Variants in TET2 observed in about 807,000 individuals in gnomAD.
TET2 encodes the protein tet methylcytosine dioxygenase 2, also known as methylcytosine dioxygenase TET2.
In TET2, 299 loss-of-function variants were observed where a neutral mutation model predicts 142.9. The observed-to-expected ratio is 2.09, with a 90% CI of 1.90 to 2.30. TET2 has a LOEUF of 2.30. Ranked by LOEUF, TET2 falls within the 30% of genes most tolerant of loss-of-function variation. TET2 has a pLI of 0.00. For synonymous variants in TET2, 819 were observed against 849.0 expected (o/e 0.96, Z 0.61); for missense variants, 2,418 against 2,378.0 (o/e 1.02, Z -0.35).
At chr4:105,265,220 T>C (rs181131017) in intron 8 of TET2, among the ~76,000 whole-genome samples, 387 of 152,322 alleles carry the variant, frequency 2.5e-3, no homozygotes, top group African/African-American at 8.8e-3. Context: ...TTCAGTGTAA[T>C]AGGCACTAGC....
intron 3 of TET2, 96 bp from the exon 4 acceptor site, chr4:105,241,242 GC>G: frequency 1.0e-5 from 14 of 1,387,608 alleles, no homozygotes; most frequent in Non-Finnish European, 1.3e-5. Flanking sequence ...CACTTTTAGA[GC>G]CCTTAATGTG....
At chr4:105,196,278 C>T (rs1022657133) in intron 2 of TET2, among the ~76,000 whole-genome samples, 1 of 151,782 alleles carries the variant, frequency 6.6e-6, no homozygotes, top group African/African-American at 2.4e-5. Context: ...ATACCCATTT[C>T]AGACTTTATT....
chr4:105,236,002 C>T lies in TET2; in HGVS notation c.2060C>T (p.Ala687Val), dbSNP rs756859365. The T allele has an allele frequency of 1.9e-6, 3 of 1,614,056 alleles. No individual in the cohort carries two copies. The highest frequency in any genetic ancestry group is 2.2e-5 in the East Asian group (1 of 44,886). Residue 687 changes from alanine (A) to valine (V), a missense_variant, in exon 3 of 11, where the codon GCA becomes GTA. Physicochemically the swap from Ala to Val is moderately conservative, Grantham distance 64. Transcript: ENST00000380013. Reference protein sequence around the residue: ...CGTRFHFQQRADSQTEKLMSP... With the variant: ...CGTRFHFQQRVDSQTEKLMSP... ...ACTAGATTTCATTTTCAACAAAGAG[C>T]AGATTCCCAAACTGAAAAACTTATG...
chr4:105,242,501 A>G, intron 4 of TET2: 1 of 1,109,952 alleles, frequency 9.0e-7, no homozygotes. Context: ...GGGAAAAAAT[A>G]GTTTATGTTT....
At chr4:105,160,019 T>A (rs545727359) in intron 1 of TET2, among the ~76,000 whole-genome samples, 1 of 152,110 alleles carries the variant, frequency 6.6e-6, no homozygotes, top group East Asian at 1.9e-4. Flanking sequence ...AAAAAAAATC[T>A]TGATATTTGT....
intron 1 of TET2, among the ~76,000 whole-genome samples, chr4:105,163,252 A>G (rs147149637): frequency 2.0e-3 from 301 of 152,156 alleles, no homozygotes; most frequent in African/African-American, 7.0e-3. Flanking sequence ...TTAGATCTAG[A>G]TTTGTAAACT....
chr4:105,246,186 G>C (rs1459468341), intron 6 of TET2, among the ~76,000 whole-genome samples: 1 of 152,138 alleles, frequency 6.6e-6, no homozygotes. Context: ...GCCTCCCAAA[G>C]TGCTGGGATT....
At chr4:105,250,602 T>G (rs1433692293) in intron 6 of TET2, among the ~76,000 whole-genome samples, 1 of 152,064 alleles carries the variant, frequency 6.6e-6, no homozygotes, top group Non-Finnish European at 1.5e-5. Context: ...ATCTTAACAT[T>G]AAAGCTTCCA....
intron 1 of TET2, among the ~76,000 whole-genome samples, chr4:105,181,113 A>G (rs1224840723): frequency 1.3e-5 from 2 of 152,142 alleles, no homozygotes; most frequent in Admixed American, 6.5e-5. Context: ...TTATATTTCT[A>G]TCTAGAATAT....
chr4:105,193,139 G>A (rs1418706886), intron 2 of TET2, among the ~76,000 whole-genome samples: 1 of 152,160 alleles, frequency 6.6e-6, no homozygotes, highest in Admixed American at 6.6e-5. Flanking sequence ...GCTTCACAAA[G>A]GAAGGTGACA....
intron 2 of TET2, among the ~76,000 whole-genome samples, chr4:105,224,961 T>A (rs895811326): frequency 1.3e-5 from 2 of 152,142 alleles, no homozygotes; most frequent in Admixed American, 1.3e-4. Context: ...ACATACATAA[T>A]ATGACTAGTG....
At chr4:105,249,234 CT>C (rs1168915254) in intron 6 of TET2, among the ~76,000 whole-genome samples, 1 of 152,078 alleles carries the variant, frequency 6.6e-6, no homozygotes, top group African/African-American at 2.4e-5. Context: ...ACCATGTTGG[CT>C]AGGCTGGTCT....
intron 7 of TET2, among the ~76,000 whole-genome samples, 155 bp from the exon 8 acceptor site, chr4:105,261,604 A>G (rs960540583): frequency 3.9e-5 from 6 of 152,170 alleles, no homozygotes; most frequent in African/African-American, 1.4e-4. Flanking sequence ...AAATTAAATG[A>G]TAGTCATGTT....
intron 2 of TET2, among the ~76,000 whole-genome samples, chr4:105,213,784 G>T (rs1727309339): frequency 6.6e-6 from 1 of 152,168 alleles, no homozygotes; most frequent in African/African-American, 2.4e-5. Context: ...CTCTCAGAGA[G>T]AACTATGACC....
At chr4:105,241,186 TC>T in intron 3 of TET2, 152 bp from the exon 4 acceptor site, 1 of 1,290,086 alleles carries the variant, frequency 7.8e-7, no homozygotes, top group Non-Finnish European at 1.0e-6. Flanking sequence ...TTCTAATAGA[TC>T]AGTCCATCAA....
intron 6 of TET2, among the ~76,000 whole-genome samples, chr4:105,245,399 C>T (rs1207471691): frequency 2.0e-5 from 3 of 151,514 alleles, no homozygotes; most frequent in Admixed American, 1.3e-4. Context: ...GGTGCGATCT[C>T]GGCTCACTGC....
chr4:105,225,462 A>T (rs1487683936), intron 2 of TET2, among the ~76,000 whole-genome samples: 1 of 152,116 alleles, frequency 6.6e-6, no homozygotes, highest in East Asian at 1.9e-4. Context: ...GCAATGTTGT[A>T]GGTAGCTTTG....
chr4:105,184,370 T>C (rs1368047825), intron 1 of TET2, among the ~76,000 whole-genome samples: 1 of 152,234 alleles, frequency 6.6e-6, no homozygotes, highest in African/African-American at 2.4e-5. Flanking sequence ...GGAAATACTA[T>C]GTTAAATTGT....
chr4:105,250,379 G>GTT (rs1560557797), intron 6 of TET2, among the ~76,000 whole-genome samples: 1 of 75,136 alleles, frequency 1.3e-5, no homozygotes, highest in Non-Finnish European at 2.6e-5. Context: ...TTCCTTTCTG[G>GTT]ATTTTTTTTT....
Sources: allele counts gnomAD v4.1 joint callset (sites outside exome capture counted in the v4.1 genomes callset), GRCh38; gene constraint gnomAD v4.1.1; transcripts MANE v1.5; gene names NCBI Gene and HGNC (gene_info 2026-07-23, HGNC 2026-07-21).